Variants in ZBTB34 observed in about 807,000 individuals in gnomAD.
ZBTB34 encodes the protein zinc finger and BTB domain-containing protein 34.
In ZBTB34, 1 loss-of-function variant was observed where a neutral mutation model predicts 33.4. That is an observed-to-expected ratio of 0.03 (90% CI 0.01 to 0.14). ZBTB34 has a LOEUF of 0.14. ZBTB34 is among the 10% of genes least tolerant of loss of function. ZBTB34 has a pLI of 1.00. For synonymous variants in ZBTB34, 283 were observed against 253.5 expected (o/e 1.12, Z -1.11); for missense variants, 406 against 657.2 (o/e 0.62, Z 4.18).
At position 126,880,694 on chromosome 9, in the gene ZBTB34, T is replaced by A; in HGVS notation, c.1295T>A (p.Phe432Tyr). Residue 432 changes from phenylalanine to tyrosine, a missense_variant, in exon 2 of 2, where the codon TTC (phenylalanine) becomes TAC (tyrosine). Phe to Tyr is a conservative substitution (Grantham distance 22). Coordinates refer to ENST00000319119, the Ensembl canonical transcript of ZBTB34. This position sits in a 1 kb window ranked among gnomAD's most constrained non-coding sequence, Gnocchi z 6.7. ...CGGGGCCATACAGATGATAAACCATTCCGCTGTGAGATCTGCGGGAAGTGC... is the reference window on the plus strand; with the variant it reads ...CGGGGCCATACAGATGATAAACCATACCGCTGTGAGATCTGCGGGAAGTGC... 2 of 1,613,746 alleles carry A rather than the reference T, an allele frequency of 1.2e-6. No homozygotes were observed. The highest frequency in any genetic ancestry group is 1.7e-6 in the Non-Finnish European group (2 of 1,179,876).
intron 1 of ZBTB34, among the ~76,000 whole-genome samples, chr9:126,870,318 A>G (rs2033260875): frequency 6.6e-6 from 1 of 152,248 alleles, no homozygotes; most frequent in African/African-American, 2.4e-5. Flanking sequence ...GCCTCTATCA[A>G]ACTGCAAGAC....
intron 1 of ZBTB34, among the ~76,000 whole-genome samples, chr9:126,878,978 C>A (rs1403347491): frequency 6.6e-6 from 1 of 152,112 alleles, no homozygotes; most frequent in African/African-American, 2.4e-5. Context: ...CCTCCCTCAG[C>A]CTCCCAAAGT....
At chr9:126,867,117 T>TG (rs1310131350) in intron 1 of ZBTB34, among the ~76,000 whole-genome samples, 2 of 149,398 alleles carry the variant, frequency 1.3e-5, no homozygotes, top group South Asian at 2.1e-4. Context: ...CAGTTTCCTT[T>TG]GGGGGTTCCT....
At chr9:126,878,184 T>C (rs1481578782) in intron 1 of ZBTB34, among the ~76,000 whole-genome samples, 1 of 150,982 alleles carries the variant, frequency 6.6e-6, no homozygotes, top group Non-Finnish European at 1.5e-5. Context: ...AAAATAGTAA[T>C]AATAGGCCGG....
chr9:126,879,834 T>A lies in ZBTB34; in HGVS notation c.435T>A (p.Ala145=), dbSNP rs1316108883. The change falls in exon 2 of 2, where the codon GCT becomes GCA. Residue 145 remains alanine, a synonymous_variant. Transcript: ENST00000319119. This position sits in a 1 kb window ranked among gnomAD's most constrained non-coding sequence, Gnocchi z 6.4. ...ATGTTGACTCTGTTACCGTCGGTGC[T>A]GAAGAGAATCCCGAGAGTCGAAACG... The A allele has an allele frequency of 6.2e-7, 1 of 1,613,162 alleles. No homozygotes were observed. Among genetic ancestry groups the A allele is most frequent in the Non-Finnish European group, 8.5e-7 (1 of 1,179,884 alleles).
chr9:126,880,620 G>A lies in ZBTB34; in HGVS notation c.1221G>A (p.Lys407=), dbSNP rs776818549. ...TGGGAATCACCCCCTTTGTGTGCAAGTTCTGTGGGAAGAAGTACACACGGA... is the reference window on the plus strand; with the variant it reads ...TGGGAATCACCCCCTTTGTGTGCAAATTCTGTGGGAAGAAGTACACACGGA... The change falls in exon 2 of 2, where the codon AAG becomes AAA. Residue 407 remains lysine (K), a synonymous_variant. Coordinates refer to ENST00000319119, the Ensembl canonical transcript of ZBTB34. This position sits in a 1 kb window ranked among gnomAD's most constrained non-coding sequence, Gnocchi z 6.7. 5.0e-6 allele frequency: 8 copies of A among 1,613,928 alleles called. No homozygotes were observed. Among genetic ancestry groups the A allele is most frequent in the South Asian group, 1.1e-5 (1 of 91,082 alleles).
At chr9:126,860,792 A>C in intron 1 of ZBTB34, 53 bp downstream of exon 1, 1 of 45,914 alleles carries the variant, frequency 2.2e-5, no homozygotes, top group Non-Finnish European at 4.8e-5. Flanking sequence ...CGGGCGGGGC[A>C]GGCGGGGCAG....
rs183819556 is a variant in ZBTB34, at chr9:126,877,156, G to A, written c.-10-2234G>A. 4.2e-3 allele frequency among the ~76,000 whole-genome samples: 645 copies of A among 152,164 alleles called. 4 individuals are homozygous for A. The highest frequency in any genetic ancestry group is 0.015 in the African/African-American group (603 of 41,510). On this transcript the variant is annotated intron_variant, in intron 1 of 1. Coordinates refer to ENST00000319119, the Ensembl canonical transcript of ZBTB34. ...AACTCTTAAGGCACTGACTTTTCCT[G>A]TTACAGCTTTTTGTTGTTGTTGTTG...
At chr9:126,864,851 G>A (rs1201692920) in intron 1 of ZBTB34, among the ~76,000 whole-genome samples, 1 of 152,114 alleles carries the variant, frequency 6.6e-6, no homozygotes, top group Non-Finnish European at 1.5e-5. Flanking sequence ...TTTGTCTGCG[G>A]TGCTTCAGTC....
In ZBTB34 at chr9:126,881,256, G is replaced by A. The variant is rs79612201; in HGVS notation, c.*342G>A. 7.0e-3 allele frequency: 1,513 copies of A among 216,258 alleles called. 57 individuals are homozygous for A. The East Asian group carries it at 0.093, about 13-fold the overall frequency. 13.4% of individuals were successfully genotyped at this position (216,258 alleles called of 1,614,324 possible). A position where few individuals can be genotyped will look rare whatever the true frequency, so the allele number is the denominator to read the frequency against. On this transcript the variant is annotated 3_prime_UTR_variant, in exon 2 of 2. Transcript: ENST00000319119. ...AGGCATACTCTTTCTCATTGTGTGC[G>A]CTGGCAGCAGTGCACTTCCACGGAG...
In ZBTB34 at chr9:126,870,299, CT is replaced by C. The variant is rs1396766384; in HGVS notation, c.-10-9090del. Among the ~76,000 whole-genome samples the C allele has an allele frequency of 4.6e-5, 7 of 152,318 alleles. No homozygotes were observed. The South Asian group carries it at 1.2e-3, about 27-fold the overall frequency. On this transcript the variant is annotated intron_variant, in intron 1 of 1. Coordinates refer to ENST00000319119, the Ensembl canonical transcript of ZBTB34. ...CATCTCTCTCTGAGTGGGGAGGAAT[CT>C]GCATTAAGCCTCTATCAAACTGCAA...
chr9:126,873,826 A>T (rs2033315005), intron 1 of ZBTB34, among the ~76,000 whole-genome samples: 1 of 150,398 alleles, frequency 6.6e-6, no homozygotes, highest in Non-Finnish European at 1.5e-5. Context: ...GCTGTTCTGG[A>T]ACTCCTGACC....
chr9:126,877,900 A>G (rs966726070), intron 1 of ZBTB34, among the ~76,000 whole-genome samples: 2 of 152,130 alleles, frequency 1.3e-5, no homozygotes, highest in African/African-American at 4.8e-5. Context: ...GCTACTCAGG[A>G]GGCTGAGGCA....
intron 1 of ZBTB34, among the ~76,000 whole-genome samples, chr9:126,874,500 A>G (rs2033328836): frequency 6.6e-6 from 1 of 152,218 alleles, no homozygotes; most frequent in South Asian, 2.1e-4. Flanking sequence ...TGTGCTTAGA[A>G]AAACCTCTAG....
exon 2 of ZBTB34, chr9:126,884,866 G>C (rs1041057870): frequency 6.0e-6 from 1 of 166,998 alleles, no homozygotes; most frequent in African/African-American, 2.4e-5. Context: ...GTTAAATTCT[G>C]TAATGGTTTC....
chr9:126,869,071 C>G (rs2033244943), intron 1 of ZBTB34, among the ~76,000 whole-genome samples: 1 of 152,098 alleles, frequency 6.6e-6, no homozygotes, highest in African/African-American at 2.4e-5. Context: ...TCACTAAACT[C>G]CTACAGCTGA....
At chr9:126,867,937 G>A (rs986162590) in intron 1 of ZBTB34, among the ~76,000 whole-genome samples, 9 of 152,000 alleles carry the variant, frequency 5.9e-5, no homozygotes, top group East Asian at 1.9e-4. Context: ...GGTGGGCCAC[G>A]GTATTTTATG....
chr9:126,879,100 A>G lies in ZBTB34; in HGVS notation c.-10-290A>G, dbSNP rs898022713. On this transcript the variant is annotated intron_variant, in intron 1 of 1. Transcript: ENST00000319119. This position sits in a 1 kb window ranked among gnomAD's most constrained non-coding sequence, Gnocchi z 6.4. ...ATGGGGAAATATTTTTCCTAAAAGG[A>G]GACCAATTTCTCAGTCAGAGCCAAA... 4.6e-5 allele frequency among the ~76,000 whole-genome samples: 7 copies of G among 152,200 alleles called. No individual in the cohort carries two copies. The highest frequency in any genetic ancestry group is 2.6e-4 in the Admixed American group (4 of 15,272).
At chr9:126,869,731 G>A (rs2033253997) in intron 1 of ZBTB34, among the ~76,000 whole-genome samples, 2 of 152,312 alleles carry the variant, frequency 1.3e-5, no homozygotes, top group South Asian at 2.1e-4. Context: ...TATTCCACAG[G>A]TGTGAAATTA....
Sources: allele counts gnomAD v4.1 joint callset (sites outside exome capture counted in the v4.1 genomes callset), GRCh38; gene constraint gnomAD v4.1.1; non-coding constraint Gnocchi (gnomAD v3.1); transcripts MANE v1.5; gene names NCBI Gene and HGNC (gene_info 2026-07-23, HGNC 2026-07-21).